USO1: variants seen among roughly 807,000 people sequenced by gnomAD.
USO1 encodes the protein general vesicular transport factor p115.
USO1 carries 57 observed loss-of-function variants against 124.5 expected under a neutral mutation model. The observed-to-expected ratio is 0.46, with a 90% CI of 0.37 to 0.57. The LOEUF (loss-of-function observed/expected upper bound fraction) is 0.57, where lower values mean the gene tolerates loss of function less well. Among genes scored for constraint, USO1 ranks in the 20% least tolerant of loss-of-function variants. USO1 has a pLI of 0.00. For synonymous variants in USO1, 369 were observed against 362.8 expected (o/e 1.02, Z -0.19); for missense variants, 900 against 1,040.6 (o/e 0.86, Z 1.86).
chr4:75,795,459 GT>G, intron 13 of USO1: 1 of 675,276 alleles, frequency 1.5e-6, no homozygotes, highest in Non-Finnish European at 2.7e-6. Context: ...CTTGTTTGAA[GT>G]TACATTCTAC....
At chr4:75,728,800 T>C (rs1377116660) in intron 1 of USO1, among the ~76,000 whole-genome samples, 1 of 152,178 alleles carries the variant, frequency 6.6e-6, no homozygotes, top group Non-Finnish European at 1.5e-5. Flanking sequence ...GTTTTTGTTT[T>C]TGTTTTGTTT....
intron 4 of USO1, among the ~76,000 whole-genome samples, chr4:75,764,780 G>T (rs1022869333): frequency 6.6e-6 from 1 of 152,100 alleles, no homozygotes; most frequent in East Asian, 1.9e-4. Flanking sequence ...TTTAAGTAAG[G>T]TGAATAAGTT....
intron 10 of USO1, among the ~76,000 whole-genome samples, chr4:75,787,476 G>A (rs894657079): frequency 3.3e-5 from 5 of 152,078 alleles, no homozygotes; most frequent in Non-Finnish European, 5.9e-5. Context: ...ATATTCAACA[G>A]GAGTGCACAG....
At chr4:75,803,855 T>C (rs1722920769) in intron 17 of USO1, among the ~76,000 whole-genome samples, 1 of 152,132 alleles carries the variant, frequency 6.6e-6, no homozygotes, top group Non-Finnish European at 1.5e-5. Flanking sequence ...TTTATGACCA[T>C]AAAATGGAGT....
intron 4 of USO1, among the ~76,000 whole-genome samples, chr4:75,761,890 T>G (rs976854743): frequency 1.3e-5 from 2 of 152,190 alleles, no homozygotes; most frequent in Non-Finnish European, 2.9e-5. Flanking sequence ...TTTGTGACAT[T>G]TGAATCTCTT....
At chr4:75,792,714 A>T (rs1722566562) in intron 12 of USO1, among the ~76,000 whole-genome samples, 1 of 152,194 alleles carries the variant, frequency 6.6e-6, no homozygotes, top group Non-Finnish European at 1.5e-5. Context: ...AACAAAAAAT[A>T]AAATATACAC....
chr4:75,767,553 G>A (rs753836925), intron 4 of USO1: 9 of 358,986 alleles, frequency 2.5e-5, no homozygotes, highest in Non-Finnish European at 4.8e-5. Context: ...GACCATCCTG[G>A]CTAACACAGT....
intron 20 of USO1, among the ~76,000 whole-genome samples, chr4:75,807,580 TA>T (rs1723033338): frequency 6.6e-6 from 1 of 152,124 alleles, no homozygotes; most frequent in Admixed American, 6.5e-5. Flanking sequence ...GACCTCTTTT[TA>T]AAAAAAGAAT....
intron 1 of USO1, among the ~76,000 whole-genome samples, chr4:75,739,091 A>G (rs1455908116): frequency 6.6e-6 from 1 of 151,948 alleles, no homozygotes; most frequent in Admixed American, 6.6e-5. Context: ...TGACCTCGTG[A>G]TCCGCCCGCC....
Position 75,801,481 on chromosome 4 carries a change from C to G in USO1, c.1986+281C>G, listed in dbSNP as rs532539630. ...GATACCAGTGAACTTTCATTACTTG[C>G]ATTGTGTTGAGTACCCTAAACCTTC... On this transcript the variant is annotated intron_variant, in intron 17 of 23. Coordinates refer to ENST00000514213, the MANE Select transcript of USO1 (RefSeq NM_003715.4). Among the ~76,000 whole-genome samples, 7 of 152,294 alleles carry G rather than the reference C, an allele frequency of 4.6e-5. No individual in the cohort carries two copies. The South Asian group carries it at 1.5e-3, about 32-fold the overall frequency.
In USO1 at chr4:75,813,138, T is replaced by C. The variant is rs1458565908; in HGVS notation, c.2800-68T>C. 7.2e-6 allele frequency: 11 copies of C among 1,520,154 alleles called. No homozygotes were observed. The Admixed American group carries it at 1.4e-4, about 19-fold the overall frequency. 94.2% of individuals were successfully genotyped at this position (1,520,154 alleles called of 1,614,324 possible). On this transcript the variant is annotated intron_variant, in intron 23 of 23. Coordinates refer to ENST00000514213, the MANE Select transcript of USO1 (RefSeq NM_003715.4). The stretch of plus-strand genomic sequence containing the variant: ...GAAAAAAAAAAAATTATCAGTAGTA[T>C]ATATTGTTAAATGTTGAATGTGACA...
chr4:75,755,514 C>T (rs572012569), intron 3 of USO1: 9 of 518,608 alleles, frequency 1.7e-5, no homozygotes, highest in South Asian at 9.8e-5. Context: ...GATCTGTGTA[C>T]TGCCTGTCTA....
At chr4:75,736,307 CTTTTTTTTTT>C (rs775201813) in intron 1 of USO1, among the ~76,000 whole-genome samples, 2 of 63,282 alleles carry the variant, frequency 3.2e-5, no homozygotes, top group Admixed American at 1.8e-4. Flanking sequence ...TACAGCTTAC[CTTTTTTTTTT>C]TTTTTTTTTT....
intron 8 of USO1, among the ~76,000 whole-genome samples, chr4:75,780,275 CT>C (rs200056161): frequency 6.6e-6 from 1 of 151,204 alleles, no homozygotes; most frequent in African/African-American, 2.4e-5. Flanking sequence ...ATACTGTTTT[CT>C]TTTTTTTTGA....
chr4:75,792,936 A>G (rs748741205), intron 12 of USO1, among the ~76,000 whole-genome samples: 21 of 152,090 alleles, frequency 1.4e-4, no homozygotes, highest in Non-Finnish European at 2.2e-4. Context: ...TTTACCTTCT[A>G]CCATTGATGA....
intron 7 of USO1, among the ~76,000 whole-genome samples, chr4:75,773,119 A>G (rs1050458279): frequency 5.9e-5 from 9 of 152,022 alleles, no homozygotes; most frequent in Non-Finnish European, 1.3e-4. Flanking sequence ...AATAATAATA[A>G]CTGCATTAAT....
intron 13 of USO1, among the ~76,000 whole-genome samples, chr4:75,794,571 T>A (rs1722628122): frequency 6.6e-6 from 1 of 152,246 alleles, no homozygotes; most frequent in Admixed American, 6.5e-5. Flanking sequence ...CAGTTCAAGT[T>A]CATGCTTTAG....
intron 13 of USO1, among the ~76,000 whole-genome samples, chr4:75,795,824 A>C (rs1310190624): frequency 6.6e-6 from 1 of 152,214 alleles, no homozygotes; most frequent in African/African-American, 2.4e-5. Flanking sequence ...GAAATATTTT[A>C]AATGAAATAT....
intron 17 of USO1, among the ~76,000 whole-genome samples, chr4:75,801,900 A>G (rs1295569559): frequency 6.6e-6 from 1 of 152,124 alleles, no homozygotes; most frequent in Non-Finnish European, 1.5e-5. Context: ...GCTCACTGCA[A>G]CCTCCGCCTC....
Sources: gnomAD v4.1 joint callset for allele counts (sites outside exome capture counted in the v4.1 genomes callset) on GRCh38, gnomAD v4.1.1 for gene constraint, MANE v1.5 for transcripts, NCBI Gene and HGNC (gene_info 2026-07-23, HGNC 2026-07-21) for gene names.